RYR3: variants seen among roughly 807,000 people sequenced by gnomAD.
RYR3 encodes brain ryanodine receptor-calcium release channel.
A neutral mutation model predicts 584.3 loss-of-function variants in RYR3; 207 were observed. The observed-to-expected ratio is 0.35, with a 90% CI of 0.32 to 0.40. The LOEUF (loss-of-function observed/expected upper bound fraction) is 0.40. Ranked by LOEUF, RYR3 falls within the 10% of genes least tolerant of loss-of-function variation. The pLI is 1.00. For synonymous variants in RYR3, 2,416 were observed against 2,248.5 expected (o/e 1.07, Z -2.11); for missense variants, 5,616 against 6,089.2 (o/e 0.92, Z 2.59).
At chr15:33,582,189 A>G (rs1232850843) in intron 14 of RYR3, among the ~76,000 whole-genome samples, 1 of 152,194 alleles carries the variant, frequency 6.6e-6, no homozygotes. Flanking sequence ...AACAGGTTCC[A>G]TCCAATAGGC....
At chr15:33,647,900 A>C (rs1314435664) in intron 30 of RYR3, among the ~76,000 whole-genome samples, 1 of 151,224 alleles carries the variant, frequency 6.6e-6, no homozygotes, top group South Asian at 2.1e-4. Context: ...CCATCGCAGA[A>C]GATGGAAGCT....
At chr15:33,777,601 G>A (rs1179968040) in intron 64 of RYR3, among the ~76,000 whole-genome samples, 4 of 152,116 alleles carry the variant, frequency 2.6e-5, no homozygotes, top group African/African-American at 9.7e-5. Flanking sequence ...TGTGGAGCTT[G>A]TGGAGTGGTC....
intron 12 of RYR3, among the ~76,000 whole-genome samples, chr15:33,576,340 C>T (rs1194462392): frequency 1.3e-5 from 2 of 152,272 alleles, no homozygotes; most frequent in East Asian, 3.9e-4. Context: ...GGCCAATAAC[C>T]CTGATGAACA....
intron 38 of RYR3, among the ~76,000 whole-genome samples, chr15:33,684,798 A>G (rs1811485633): frequency 6.6e-6 from 1 of 152,232 alleles, no homozygotes; most frequent in African/African-American, 2.4e-5. Flanking sequence ...GCCAATATTC[A>G]ACATTCTTAA....
chr15:33,730,953 A>G (rs2068895570), intron 47 of RYR3, among the ~76,000 whole-genome samples: 1 of 152,252 alleles, frequency 6.6e-6, no homozygotes, highest in Non-Finnish European at 1.5e-5. Flanking sequence ...GAAAGGAGTC[A>G]GAGTTCCACT....
chr15:33,734,238 C>A (rs1470412746), intron 48 of RYR3, among the ~76,000 whole-genome samples: 1 of 152,174 alleles, frequency 6.6e-6, no homozygotes, highest in East Asian at 1.9e-4. Flanking sequence ...TTTATGATAA[C>A]TGGCAGACAA....
intron 2 of RYR3, among the ~76,000 whole-genome samples, chr15:33,489,050 G>A (rs998891001): frequency 1.3e-5 from 2 of 152,080 alleles, no homozygotes; most frequent in African/African-American, 4.8e-5. Flanking sequence ...ATCTGGCTTT[G>A]CTCTCCTTCT....
chr15:33,407,138 C>T (rs1034264988), intron 1 of RYR3, among the ~76,000 whole-genome samples: 1 of 152,210 alleles, frequency 6.6e-6, no homozygotes, highest in South Asian at 2.1e-4. Context: ...TAGTTTCCCT[C>T]AGCCCTTTTA....
At chr15:33,854,516 TATGCAGGATGCTCAG>T (rs2079439808) in intron 97 of RYR3, 67 bp downstream of exon 97, 1 of 1,332,044 alleles carries the variant, frequency 7.5e-7, no homozygotes, top group Non-Finnish European at 1.0e-6. Context: ...AGAAGCAAGC[TATGCAGGATGCTCAG>T]AAGGGTTCAG....
At chr15:33,853,919 C>T (rs979271269) in intron 96 of RYR3, among the ~76,000 whole-genome samples, 10 of 152,184 alleles carry the variant, frequency 6.6e-5, no homozygotes, top group African/African-American at 1.7e-4. Context: ...TTGGGCTGGG[C>T]GCAGTGGCTC....
chr15:33,615,032 G>A (rs2339313), intron 19 of RYR3, among the ~76,000 whole-genome samples: 26,935 of 152,080 alleles, frequency 0.18, 2,908 homozygotes, highest in Admixed American at 0.25. Context: ...TTTTAACCAC[G>A]TTATTCATTT....
At chr15:33,729,058 TC>T (rs2068707637) in intron 47 of RYR3, 32 bp downstream of exon 47, 2 of 1,590,600 alleles carry the variant, frequency 1.3e-6, no homozygotes, top group African/African-American at 1.3e-5. Flanking sequence ...AAATTATTGT[TC>T]CCATCATTGT....
At position 33,700,597 on chromosome 15, in the gene RYR3, T is replaced by C. The variant is rs55858746; in HGVS notation, c.6380-380T>C. Among the ~76,000 whole-genome samples the C allele has an allele frequency of 1.3e-3, 202 of 152,236 alleles. 1 individual carries two copies. The highest frequency in any genetic ancestry group is 4.6e-3 in the African/African-American group (193 of 41,552). ...CTGGTGAAACTATATGAGCTAATGC[T>C]GTTTGATGCTATTTTTAAACTCTAG... is the stretch of plus-strand genomic sequence containing the variant. On this transcript the variant is annotated intron_variant, in intron 41 of 103. Coordinates refer to ENST00000634891, the MANE Select transcript of RYR3 (RefSeq NM_001036.6).
chr15:33,557,015 A>C (rs1207894103), intron 10 of RYR3, among the ~76,000 whole-genome samples: 1 of 152,190 alleles, frequency 6.6e-6, no homozygotes, highest in Non-Finnish European at 1.5e-5. Context: ...TAAGCAACTA[A>C]ACTATTGGTA....
intron 93 of RYR3, among the ~76,000 whole-genome samples, chr15:33,847,881 CA>C (rs1567311779): frequency 6.6e-6 from 1 of 152,164 alleles, no homozygotes; most frequent in Non-Finnish European, 1.5e-5. Flanking sequence ...TGGAACATTT[CA>C]TCATATTCCT....
At chr15:33,722,432 A>C in intron 43 of RYR3, 1 of 451,816 alleles carries the variant, frequency 2.2e-6, no homozygotes, top group Non-Finnish European at 3.9e-6. Flanking sequence ...ATCCTGACCC[A>C]ATTTATCAAA....
chr15:33,597,448 C>G (rs1033179480), intron 16 of RYR3, among the ~76,000 whole-genome samples: 1 of 151,984 alleles, frequency 6.6e-6, no homozygotes, highest in African/African-American at 2.4e-5. Flanking sequence ...AACCCTGTCT[C>G]TACTAAAAAT....
intron 5 of RYR3, among the ~76,000 whole-genome samples, chr15:33,536,480 T>C (rs1595492010): frequency 6.6e-6 from 1 of 152,150 alleles, no homozygotes; most frequent in Non-Finnish European, 1.5e-5. Context: ...ACACTAAAAG[T>C]GTTATTTTGT....
chr15:33,546,922 T>C (rs1379218628), intron 8 of RYR3, among the ~76,000 whole-genome samples: 1 of 152,250 alleles, frequency 6.6e-6, no homozygotes, highest in Admixed American at 6.5e-5. Context: ...ATACAAATTC[T>C]CTACGGTGGA....
Sources: allele counts gnomAD v4.1 joint callset (sites outside exome capture counted in the v4.1 genomes callset), GRCh38; gene constraint gnomAD v4.1.1; transcripts MANE v1.5; gene names NCBI Gene and HGNC (gene_info 2026-07-23, HGNC 2026-07-21).